OCA2: variants seen among roughly 807,000 people sequenced by gnomAD.
The protein encoded by OCA2 is P protein.
OCA2 carries 77 observed loss-of-function variants against 100.2 expected under a neutral mutation model. The observed-to-expected ratio is 0.77, with a 90% CI of 0.64 to 0.93. The LOEUF is 0.93. OCA2 is among the 40% of genes least tolerant of loss of function. The pLI is 0.00. For synonymous variants in OCA2, 432 were observed against 439.2 expected (o/e 0.98, Z 0.21); for missense variants, 1,062 against 1,089.1 (o/e 0.98, Z 0.35).
At chr15:28,094,760 G>A (rs1023756411) in intron 1 of OCA2, among the ~76,000 whole-genome samples, 1 of 152,156 alleles carries the variant, frequency 6.6e-6, no homozygotes, top group African/African-American at 2.4e-5. Context: ...TGCCAGCACC[G>A]TTCTCTCCGA....
In OCA2 at chr15:27,913,911, GC is replaced by G. The variant is rs1282973328; in HGVS notation, c.2079+12215del. 3.8e-3 allele frequency among the ~76,000 whole-genome samples: 171 copies of G among 45,326 alleles called. 38 individuals are homozygous for G. Among genetic ancestry groups the G allele is most frequent in the African/African-American group, 0.017 (166 of 9,998 alleles). The allele number at this position is 45,326 out of a possible 152,430, so 29.7% of individuals were successfully genotyped here. On this transcript the variant is annotated intron_variant, in intron 19 of 23. Transcript: ENST00000354638. Reference sequence around the variant, plus strand: ...AGAAAGAAAGCAAGCAAGCAAGCAAGCAAGCAAGCAAGCAAGCAAGAAAGAA... The same window carrying G: ...AGAAAGAAAGCAAGCAAGCAAGCAAGAAGCAAGCAAGCAAGCAAGAAAGAA...
At chr15:27,943,535 T>C (rs2039723675) in intron 18 of OCA2, among the ~76,000 whole-genome samples, 1 of 152,088 alleles carries the variant, frequency 6.6e-6, no homozygotes, top group Non-Finnish European at 1.5e-5. Context: ...GGTAATTTTT[T>C]AGGTCTGATA....
intron 19 of OCA2, among the ~76,000 whole-genome samples, chr15:27,905,072 G>C (rs1000999242): frequency 1.3e-5 from 2 of 150,734 alleles, no homozygotes; most frequent in African/African-American, 4.9e-5. Context: ...GCTGAGGCAG[G>C]AGAATTGCTT....
intron 23 of OCA2, among the ~76,000 whole-genome samples, chr15:27,829,508 C>T (rs1031601856): frequency 6.6e-6 from 1 of 152,190 alleles, no homozygotes; most frequent in Non-Finnish European, 1.5e-5. Context: ...CTGCCTAGAA[C>T]TTGTAGCACT....
chr15:28,095,289 C>A (rs931820548), intron 1 of OCA2, among the ~76,000 whole-genome samples: 1 of 152,148 alleles, frequency 6.6e-6, no homozygotes, highest in Non-Finnish European at 1.5e-5. Context: ...GCGCACTCCC[C>A]GCCCGGGTGC....
chr15:28,036,460 T>TAA (rs1156266476), intron 2 of OCA2, among the ~76,000 whole-genome samples: 1 of 152,100 alleles, frequency 6.6e-6, no homozygotes, highest in East Asian at 1.9e-4. Context: ...CCTCAAACAG[T>TAA]AAGTTTTAAA....
chr15:28,042,502 T>C (rs984223708), intron 2 of OCA2, among the ~76,000 whole-genome samples: 6 of 148,472 alleles, frequency 4.0e-5, no homozygotes, highest in Non-Finnish European at 5.9e-5. Context: ...TAGCTGGGCG[T>C]GGTGATACAC....
At chr15:28,011,560 T>C (rs1253967937) in intron 9 of OCA2, among the ~76,000 whole-genome samples, 2 of 151,394 alleles carry the variant, frequency 1.3e-5, no homozygotes, top group Admixed American at 1.3e-4. Flanking sequence ...ATCTTTGGAC[T>C]CTGGAATTAT....
At chr15:27,830,109 C>T (rs2034894806) in intron 23 of OCA2, among the ~76,000 whole-genome samples, 1 of 152,176 alleles carries the variant, frequency 6.6e-6, no homozygotes, top group Admixed American at 6.5e-5. Flanking sequence ...CAGAAAAACA[C>T]TGATAAGGCA....
At chr15:27,868,911 C>A (rs1035001522) in intron 21 of OCA2, among the ~76,000 whole-genome samples, 12 of 151,942 alleles carry the variant, frequency 7.9e-5, no homozygotes, top group African/African-American at 2.4e-4. Context: ...TGAAAAGACA[C>A]TCAAAGGAAA....
At chr15:28,059,725 C>A (rs1412474582) in intron 2 of OCA2, among the ~76,000 whole-genome samples, 1 of 152,150 alleles carries the variant, frequency 6.6e-6, no homozygotes, top group African/African-American at 2.4e-5. Context: ...AAGGGAAGAG[C>A]AAATCTCCTC....
the OCA2 span, among the ~76,000 whole-genome samples, chr15:27,745,808 C>T: frequency 4.4e-3 from 672 of 152,336 alleles, 5 homozygotes; most frequent in African/African-American, 0.015. Flanking sequence ...AATCAGAACC[C>T]TGTTGTCCAC....
rs2043261434 is a variant in OCA2, at chr15:28,043,431, AATC to A, written c.228-11271_228-11269del. On this transcript the variant is annotated intron_variant, in intron 2 of 23. Transcript: ENST00000354638. The surrounding 1 kb of genome is among the most constrained non-coding windows in gnomAD (Gnocchi z 4.4). ...GGTGATCGCTCAATAAATCTCCAAAAATCACAATAAAGAAGATTGGTGCCCATT... is the reference window on the plus strand; with the variant it reads ...GGTGATCGCTCAATAAATCTCCAAAAACAATAAAGAAGATTGGTGCCCATT... Among the ~76,000 whole-genome samples, 1 of 152,208 alleles carries A rather than the reference AATC, an allele frequency of 6.6e-6. No individual in the cohort carries two copies. Among genetic ancestry groups the A allele is most frequent in the Admixed American group, 6.5e-5 (1 of 15,284 alleles).
At chr15:27,955,044 C>A in intron 17 of OCA2, 114 bp downstream of exon 17, 1 of 834,876 alleles carries the variant, frequency 1.2e-6, no homozygotes, top group East Asian at 2.4e-5. Context: ...TTGTGTATAA[C>A]CACAGAAATA....
At chr15:28,055,688 C>T (rs111884664) in intron 2 of OCA2, among the ~76,000 whole-genome samples, 1 of 152,126 alleles carries the variant, frequency 6.6e-6, no homozygotes, top group Non-Finnish European at 1.5e-5. Flanking sequence ...GTATGGCCAG[C>T]GGGGAGCCAA....
At chr15:27,874,347 T>C (rs1336654997) in intron 19 of OCA2, among the ~76,000 whole-genome samples, 1 of 152,162 alleles carries the variant, frequency 6.6e-6, no homozygotes, top group East Asian at 1.9e-4. Flanking sequence ...TGAACACCTG[T>C]GAGGGTTGTA....
chr15:27,769,170 C>T (rs186662378), intron 23 of OCA2, among the ~76,000 whole-genome samples: 11 of 152,318 alleles, frequency 7.2e-5, no homozygotes, highest in Middle Eastern at 3.4e-3. Flanking sequence ...CATCACACTA[C>T]GCCTTCATCT....
At chr15:27,844,515 A>AT (rs941293054) in intron 23 of OCA2, among the ~76,000 whole-genome samples, 7 of 150,586 alleles carry the variant, frequency 4.6e-5, no homozygotes, top group South Asian at 2.1e-4. Context: ...AATCCCAGCA[A>AT]TTTTTTTTTT....
intron 14 of OCA2, among the ~76,000 whole-genome samples, chr15:27,972,627 A>G (rs979687493): frequency 1.3e-5 from 2 of 151,736 alleles, no homozygotes; most frequent in Non-Finnish European, 1.5e-5. Context: ...ATTTTTTCAT[A>G]TGTTTCTTGG....
Sources: gnomAD v4.1 joint callset for allele counts (sites outside exome capture counted in the v4.1 genomes callset) on GRCh38, gnomAD v4.1.1 for gene constraint, Gnocchi (gnomAD v3.1) non-coding constraint, MANE v1.5 for transcripts, NCBI Gene and HGNC (gene_info 2026-07-23, HGNC 2026-07-21) for gene names.